The following CD99L2 variants were observed in gnomAD, a reference collection of about 807,000 sequenced individuals.
CD99L2 encodes the protein CD99 antigen-like protein 2.
In CD99L2, 24 loss-of-function variants were observed where a neutral mutation model predicts 27.3. The observed-to-expected ratio is 0.88, with a 90% CI of 0.64 to 1.24. The LOEUF (loss-of-function observed/expected upper bound fraction) is 1.24, where lower values mean the gene tolerates loss of function less well. CD99L2 is among the 50% of genes most tolerant of loss of function. CD99L2 has a pLI of 0.00. For synonymous variants in CD99L2, 97 were observed against 87.9 expected, an observed-to-expected ratio of 1.10 and a Z score of -0.58; for missense variants, 255 against 221.6, an observed-to-expected ratio of 1.15 and a Z score of -0.96.
intron 1 of CD99L2, among the ~76,000 whole-genome samples, chrX:150,851,352 C>A (rs1557421593): frequency 8.9e-6 from 1 of 111,986 alleles, no homozygotes; most frequent in Admixed American, 9.4e-5. Flanking sequence ...CCATGTCAGA[C>A]ACATGGCATC....
chrX:150,791,987 A>T (rs1345894159), intron 7 of CD99L2, among the ~76,000 whole-genome samples: 1 of 112,091 alleles, frequency 8.9e-6, no homozygotes, highest in Non-Finnish European at 1.9e-5. Flanking sequence ...CATGCTGAAG[A>T]TCATAATTTA....
At chrX:150,787,740 T>G (rs1285488417) in intron 7 of CD99L2, among the ~76,000 whole-genome samples, 1 of 49,044 alleles carries the variant, frequency 2.0e-5, no homozygotes, top group Non-Finnish European at 3.5e-5. Context: ...CACTGGGACC[T>G]GTCGTGGGAT....
intron 7 of CD99L2, among the ~76,000 whole-genome samples, chrX:150,778,021 T>C (rs868961197): frequency 8.6e-4 from 96 of 112,070 alleles, no homozygotes; most frequent in African/African-American, 2.9e-3. Flanking sequence ...AGATGAATGC[T>C]GGCAGGGGCT....
intron 4 of CD99L2, among the ~76,000 whole-genome samples, chrX:150,808,181 T>C (rs2046022441): frequency 8.9e-6 from 1 of 112,636 alleles, no homozygotes; most frequent in African/African-American, 3.2e-5. Context: ...CAATACATGA[T>C]TGCTGTACAC....
intron 1 of CD99L2, among the ~76,000 whole-genome samples, chrX:150,874,571 C>T (rs1434646867): frequency 1.4e-4 from 2 of 13,906 alleles, no homozygotes; most frequent in Non-Finnish European, 2.8e-4. Context: ...GGGGCGGGGG[C>T]GGGGGCGGGG....
chrX:150,842,925 CCA>C (rs1402531127), intron 1 of CD99L2, among the ~76,000 whole-genome samples: 2 of 111,896 alleles, frequency 1.8e-5, no homozygotes, highest in African/African-American at 6.5e-5. Flanking sequence ...CATGCCAACA[CCA>C]CACACAGACC....
intron 4 of CD99L2, among the ~76,000 whole-genome samples, chrX:150,814,414 T>C (rs918722587): frequency 1.3e-4 from 14 of 111,846 alleles, no homozygotes; most frequent in Non-Finnish European, 1.7e-4. Context: ...CAAAACAACA[T>C]CTCACGATGG....
intron 7 of CD99L2, among the ~76,000 whole-genome samples, chrX:150,779,077 G>GA (rs1557419383): frequency 8.9e-6 from 1 of 111,904 alleles, no homozygotes; most frequent in Non-Finnish European, 1.9e-5. Context: ...AAGGCAGAAG[G>GA]AAACTGAGTG....
rs1174493456 is a variant in CD99L2 at position 150,814,920 on chromosome X, C to T, written c.219G>A (p.Leu73=). The stretch of plus-strand genomic sequence containing the variant: ...CATCTTGATCATCCAAAGCATCAGC[C>T]AAGTCCAATCCACTACCTTCAGTGG... ...PAKPPGSGLD[L]ADALDDQDDG... is the part of the protein sequence containing the mutation. Residue 73 remains leucine (L), a synonymous_variant, in exon 4 of 11, where the codon TTG becomes TTA. Transcript: ENST00000370377. 1.7e-6 allele frequency: 2 copies of T among 1,209,711 alleles called. No homozygotes were observed. The highest frequency in any genetic ancestry group is 3.0e-5 in the East Asian group (1 of 33,761).
At chrX:150,890,143 T>A (rs918910887) in intron 1 of CD99L2, among the ~76,000 whole-genome samples, 1 of 89,071 alleles carries the variant, frequency 1.1e-5, no homozygotes, top group East Asian at 3.3e-4. Flanking sequence ...AGAGCGAGAC[T>A]CCGTCTCAAA....
At chrX:150,821,542 A>C (rs782488277) in intron 2 of CD99L2, among the ~76,000 whole-genome samples, 29 of 112,175 alleles carry the variant, frequency 2.6e-4, no homozygotes, top group Non-Finnish European at 4.3e-4. Flanking sequence ...TATGAACTAA[A>C]ACCACTCTTA....
chrX:150,816,258 A>C, intron 2 of CD99L2, 180 bp from the exon 3 acceptor site: 1 of 449,315 alleles, frequency 2.2e-6, no homozygotes, highest in East Asian at 3.7e-5. Flanking sequence ...TATAGGTTTA[A>C]ATGAGAAGAG....
chrX:150,898,374 C>T, intron 1 of CD99L2, 148 bp downstream of exon 1: 1 of 354,867 alleles, frequency 2.8e-6, no homozygotes, highest in Non-Finnish European at 4.2e-6. Flanking sequence ...CTCGGACCCC[C>T]GCCGCTCCGC....
chrX:150,816,308 G>A, intron 2 of CD99L2: 2 of 396,740 alleles, frequency 5.0e-6, no homozygotes, highest in Non-Finnish European at 4.4e-6. Context: ...GTGGTGAGGT[G>A]GACATGGTCT....
At chrX:150,824,583 AAGG>A (rs1260323619) in intron 2 of CD99L2, among the ~76,000 whole-genome samples, 5 of 89,860 alleles carry the variant, frequency 5.6e-5, no homozygotes, top group South Asian at 6.8e-4. Context: ...GGAGGAGGAG[AAGG>A]AGGAGAAGAA....
In CD99L2 at chrX:150,795,198, G is replaced by A; in HGVS notation, c.430+8C>T. On this transcript the variant is annotated splice_region_variant and intron_variant, in intron 6 of 10. Coordinates refer to ENST00000370377, the MANE Select transcript of CD99L2 (RefSeq NM_031462.4). ...TAATGAGACAGAACCAGACCAGGTGGGACTCACCTCCTCCTCCAGCAATTG... is the reference window on the plus strand; with the variant it reads ...TAATGAGACAGAACCAGACCAGGTGAGACTCACCTCCTCCTCCAGCAATTG... 2.5e-6 allele frequency: 3 copies of A among 1,209,445 alleles called. No homozygotes were observed. The highest frequency in any genetic ancestry group is 3.4e-6 in the Non-Finnish European group (3 of 893,766).
At chrX:150,875,029 C>T (rs189714155) in intron 1 of CD99L2, among the ~76,000 whole-genome samples, 1 of 111,971 alleles carries the variant, frequency 8.9e-6, no homozygotes, top group East Asian at 2.8e-4. Context: ...TTAAATACTT[C>T]AGTGTTTACT....
At chrX:150,778,956 C>T (rs782285463) in intron 7 of CD99L2, among the ~76,000 whole-genome samples, 62 of 111,312 alleles carry the variant, frequency 5.6e-4, no homozygotes, top group Non-Finnish European at 1.0e-3. Flanking sequence ...AGAGAGGTCC[C>T]CTCCGCTATG....
chrX:150,793,818 T>G, intron 6 of CD99L2, 62 bp from the exon 7 acceptor site: 1 of 931,705 alleles, frequency 1.1e-6, no homozygotes, highest in South Asian at 2.4e-5. Context: ...AAGAAACTTG[T>G]GCTAATGTTG....
Sources: allele counts gnomAD v4.1 joint callset (sites outside exome capture counted in the v4.1 genomes callset), GRCh38; gene constraint gnomAD v4.1.1; transcripts MANE v1.5; gene names NCBI Gene and HGNC (gene_info 2026-07-23, HGNC 2026-07-21).